Variants in PRLR observed in about 807,000 individuals in gnomAD.
The protein encoded by PRLR is hPRL receptor.
A neutral mutation model predicts 40.2 loss-of-function variants in PRLR; 13 were observed. That is an observed-to-expected ratio of 0.32 (90% CI 0.21 to 0.51). The LOEUF is 0.51. PRLR is among the 20% of genes least tolerant of loss of function. The pLI, the probability that PRLR is intolerant of heterozygous loss-of-function variation, is 0.97. For synonymous variants in PRLR, 269 were observed against 278.7 expected, an observed-to-expected ratio of 0.97 and a Z score of 0.35; for missense variants, 656 against 747.3, an observed-to-expected ratio of 0.88 and a Z score of 1.42.
In PRLR at chr5:35,059,388, T is replaced by C. The variant is rs759707570; in HGVS notation, c.*5701A>G. 2 of 151,920 alleles carry C rather than the reference T, an allele frequency of 1.3e-5. No individual in the cohort carries two copies. The highest frequency in any genetic ancestry group is 2.9e-5 in the Non-Finnish European group (2 of 68,028). 9.4% of individuals were successfully genotyped at this position (151,920 alleles called of 1,614,324 possible). ...AAATCAGAGCATTAAATCAAGGGAATTGATGTGGACAAAACAGCTGCCAGC... is the reference window on the plus strand; with the variant it reads ...AAATCAGAGCATTAAATCAAGGGAACTGATGTGGACAAAACAGCTGCCAGC... On this transcript the variant is annotated 3_prime_UTR_variant, in exon 10 of 10. Coordinates refer to ENST00000618457, the MANE Select transcript of PRLR (RefSeq NM_000949.7).
intron 3 of PRLR, among the ~76,000 whole-genome samples, chr5:35,087,459 G>GTGA: frequency 8.0e-6 from 1 of 124,336 alleles, no homozygotes; most frequent in African/African-American, 4.2e-5. Context: ...TGTGTGTGTG[G>GTGA]TGAGGTTGCA....
intron 2 of PRLR, among the ~76,000 whole-genome samples, chr5:35,114,035 T>G (rs1772862156): frequency 6.6e-6 from 1 of 152,152 alleles, no homozygotes; most frequent in Non-Finnish European, 1.5e-5. Context: ...TTGCCTGTGA[T>G]TGGTTTAGGA....
intron 4 of PRLR, among the ~76,000 whole-genome samples, chr5:35,084,940 T>C (rs1469712234): frequency 1.3e-5 from 2 of 152,142 alleles, no homozygotes; most frequent in African/African-American, 4.8e-5. Context: ...ACACTCGAGC[T>C]TTCAATGGCC....
chr5:35,074,292 C>T (rs538670384), intron 5 of PRLR, among the ~76,000 whole-genome samples: 8 of 151,904 alleles, frequency 5.3e-5, no homozygotes, highest in East Asian at 3.9e-4. Context: ...AAAACCCCAT[C>T]GCTACTAAAA....
chr5:35,169,231 T>A (rs1233173015), intron 1 of PRLR, among the ~76,000 whole-genome samples: 1 of 152,192 alleles, frequency 6.6e-6, no homozygotes, highest in African/African-American at 2.4e-5. Flanking sequence ...CACCTGATTA[T>A]TTAGCTCTAT....
rs1218851507 is a variant in PRLR at position 35,102,512 on chromosome 5, T to C, written c.-43-12849A>G. 3.9e-3 allele frequency among the ~76,000 whole-genome samples: 492 copies of C among 127,160 alleles called. 11 individuals are homozygous for C. In the East Asian group the frequency reaches 0.049, roughly 13 times the overall value. The allele number at this position is 127,160 out of a possible 152,430, so 83.4% of individuals were successfully genotyped here. ...TCTCCTCTCCACTCCTCTCCTCTCC[T>C]CTCCTCTCCTCTCCTCTCCTCTCCT... On this transcript the variant is annotated intron_variant, in intron 2 of 9. Coordinates refer to ENST00000618457, the MANE Select transcript of PRLR (RefSeq NM_000949.7).
In PRLR at chr5:35,084,534, G is replaced by C. The variant is rs1425179545; in HGVS notation, c.309C>G (p.Val103=). 6.2e-7 allele frequency: 1 copy of C among 1,602,718 alleles called. No homozygotes were observed. Among genetic ancestry groups the C allele is most frequent in the Admixed American group, 1.8e-5 (1 of 56,788 alleles). ...TGCTTCCCATCTGGTTAGTGGCATT[G>C]ACCATCATGATGTATGTCCTCCACA... ...TSMWRTYIMM[V]NATNQMGSSF... The change falls in exon 5 of 10, where the codon GTC becomes GTG. Residue 103 remains valine, a synonymous_variant. Transcript: ENST00000618457.
intron 2 of PRLR, among the ~76,000 whole-genome samples, chr5:35,110,569 C>T (rs1408191063): frequency 2.6e-5 from 4 of 152,076 alleles, no homozygotes; most frequent in African/African-American, 9.7e-5. Flanking sequence ...AAAATTCTCT[C>T]TATAGTCCCA....
Position 35,169,823 on chromosome 5 carries a change from A to G in PRLR, c.-105-51701T>C, listed in dbSNP as rs369386362. Among the ~76,000 whole-genome samples the G allele has an allele frequency of 2.5e-4, 38 of 152,342 alleles. 1 individual carries two copies. In the South Asian group the frequency reaches 6.8e-3, roughly 27 times the overall value. ...GTGGTATGGAAGTTTCTCTACTTCT[A>G]TATAGATCTCTCTAGGTGGCTGGTT... On this transcript the variant is annotated intron_variant, in intron 1 of 9. Coordinates refer to ENST00000618457, the MANE Select transcript of PRLR (RefSeq NM_000949.7).
intron 2 of PRLR, among the ~76,000 whole-genome samples, chr5:35,100,754 T>C (rs1239122843): frequency 1.3e-5 from 2 of 152,190 alleles, no homozygotes; most frequent in Non-Finnish European, 2.9e-5. Context: ...TCCTGGTCTT[T>C]AAAGCTTTTT....
intron 1 of PRLR, among the ~76,000 whole-genome samples, chr5:35,150,364 G>T (rs536351703): frequency 6.6e-6 from 1 of 152,060 alleles, no homozygotes; most frequent in Non-Finnish European, 1.5e-5. Flanking sequence ...TTTTTGTTGC[G>T]GTCATTGTTG....
At chr5:35,146,763 C>T (rs1587605) in intron 1 of PRLR, among the ~76,000 whole-genome samples, 138,914 of 152,234 alleles carry the variant, frequency 0.91, 63,583 homozygotes, top group South Asian at 0.96. Flanking sequence ...GGAGTGACAG[C>T]TTAATTACCC....
rs1436958140 is a variant in PRLR at position 35,148,477 on chromosome 5, G to A, written c.-105-30355C>T. Among the ~76,000 whole-genome samples the A allele has an allele frequency of 3.3e-5, 5 of 152,304 alleles. No individual in the cohort carries two copies. The South Asian group carries it at 1.0e-3, about 32-fold the overall frequency. ...ACTATGTGAGCTGAGAAGGGGCAAGGATGGAAGAGAGTGAGCTTTGATACT... is the reference window on the plus strand; with the variant it reads ...ACTATGTGAGCTGAGAAGGGGCAAGAATGGAAGAGAGTGAGCTTTGATACT... On this transcript the variant is annotated intron_variant, in intron 1 of 9. Transcript: ENST00000618457.
chr5:35,167,847 T>C (rs1022350350), intron 1 of PRLR, among the ~76,000 whole-genome samples: 2 of 139,952 alleles, frequency 1.4e-5, no homozygotes, highest in African/African-American at 5.5e-5. Context: ...ATTGTCATTG[T>C]TTAAAATTTT....
At chr5:35,176,210 C>T (rs1775143895) in intron 1 of PRLR, among the ~76,000 whole-genome samples, 2 of 152,172 alleles carry the variant, frequency 1.3e-5, no homozygotes, top group African/African-American at 2.4e-5. Context: ...ACTTCTCCCA[C>T]TTACCATTTT....
chr5:35,142,543 T>G (rs1774055699), intron 1 of PRLR, among the ~76,000 whole-genome samples: 1 of 152,226 alleles, frequency 6.6e-6, no homozygotes, highest in Non-Finnish European at 1.5e-5. Context: ...GGACCATTCT[T>G]GAAAGCACCA....
At chr5:35,052,576 A>C (rs969460859), downstream of PRLR, among the ~76,000 whole-genome samples, 3 of 152,166 alleles carry the variant, frequency 2.0e-5, no homozygotes, top group Non-Finnish European at 4.4e-5. Flanking sequence ...TCCCCAAGGC[A>C]GGTCATGGAA....
intron 2 of PRLR, among the ~76,000 whole-genome samples, chr5:35,093,975 G>T (rs1771377483): frequency 6.6e-6 from 1 of 152,140 alleles, no homozygotes; most frequent in African/African-American, 2.4e-5. Flanking sequence ...ATCTAGGTTT[G>T]TATAAGTATA....
At chr5:35,069,426 A>G (rs1012671101) in intron 7 of PRLR, among the ~76,000 whole-genome samples, 2 of 152,230 alleles carry the variant, frequency 1.3e-5, no homozygotes, top group African/African-American at 4.8e-5. Flanking sequence ...CCTTTCCAGC[A>G]TGCCAAGCCA....
Sources: gnomAD v4.1 joint callset for allele counts (sites outside exome capture counted in the v4.1 genomes callset) on GRCh38, gnomAD v4.1.1 for gene constraint, MANE v1.5 for transcripts, NCBI Gene and HGNC (gene_info 2026-07-23, HGNC 2026-07-21) for gene names.